DNAJC5B: variants seen among roughly 807,000 people sequenced by gnomAD.
DNAJC5B encodes DnaJ heat shock protein family (Hsp40) member C5 beta.
DNAJC5B carries 23 observed loss-of-function variants against 24.7 expected under a neutral mutation model. The ratio of observed to expected loss-of-function variants is 0.93; its 90% CI spans 0.67 to 1.32. DNAJC5B has a LOEUF of 1.32. DNAJC5B is among the 40% of genes most tolerant of loss of function. The pLI, the probability that DNAJC5B is intolerant of heterozygous loss-of-function variation, is 0.00. For synonymous variants in DNAJC5B, 101 were observed against 90.1 expected (o/e 1.12, Z -0.68); for missense variants, 238 against 240.8 (o/e 0.99, Z 0.08).
chr8:66,096,713 G>A (rs143881514), intron 5 of DNAJC5B, among the ~76,000 whole-genome samples: 1 of 152,120 alleles, frequency 6.6e-6, no homozygotes, highest in East Asian at 1.9e-4. Context: ...TGTTTGTGTG[G>A]TAAATATGTT....
rs558472476 is a variant in DNAJC5B, at chr8:66,096,523, T to C, written c.506-3414T>C. ...TTCTCTATAAAGTTCTTTCGATTTT[T>C]GATTTATGATTTTGATTTTGAGGTT... On this transcript the variant is annotated intron_variant, in intron 5 of 5. Coordinates refer to ENST00000276570, the MANE Select transcript of DNAJC5B (RefSeq NM_033105.6). Among the ~76,000 whole-genome samples the C allele has an allele frequency of 7.6e-4, 116 of 152,300 alleles. 1 individual carries two copies. Among genetic ancestry groups the C allele is most frequent in the African/African-American group, 2.6e-3 (107 of 41,590 alleles).
At chr8:66,068,900 G>A (rs984167525) in intron 3 of DNAJC5B, among the ~76,000 whole-genome samples, 1 of 152,028 alleles carries the variant, frequency 6.6e-6, no homozygotes, top group South Asian at 2.1e-4. Context: ...TTCCAACCAA[G>A]GTAACAGAAG....
chr8:66,054,821 C>T (rs1410608009), intron 3 of DNAJC5B, among the ~76,000 whole-genome samples: 3 of 152,150 alleles, frequency 2.0e-5, no homozygotes, highest in Non-Finnish European at 2.9e-5. Context: ...TGTTGGTGGA[C>T]GTCCTTGGCT....
chr8:66,094,629 T>A (rs1807912041), intron 5 of DNAJC5B, among the ~76,000 whole-genome samples: 2 of 152,070 alleles, frequency 1.3e-5, no homozygotes, highest in Admixed American at 6.5e-5. Context: ...TTATTTTTTT[T>A]AAACCGCACC....
intron 2 of DNAJC5B, among the ~76,000 whole-genome samples, chr8:66,047,639 A>G (rs1245710166): frequency 6.6e-6 from 1 of 152,168 alleles, no homozygotes; most frequent in African/African-American, 2.4e-5. Context: ...GGGCTCAGTA[A>G]AGCCTAATTC....
intron 3 of DNAJC5B, among the ~76,000 whole-genome samples, chr8:66,066,736 AGG>A (rs1469878186): frequency 2.0e-5 from 3 of 152,054 alleles, no homozygotes; most frequent in African/African-American, 7.3e-5. Context: ...GGAGGGTAGA[AGG>A]GGGTGAAGGA....
At chr8:66,090,514 G>T (rs1387519022) in intron 5 of DNAJC5B, among the ~76,000 whole-genome samples, 1 of 151,900 alleles carries the variant, frequency 6.6e-6, no homozygotes, top group Non-Finnish European at 1.5e-5. Flanking sequence ...TTAAAGGAGG[G>T]AGAATAAAAG....
intron 3 of DNAJC5B, among the ~76,000 whole-genome samples, chr8:66,074,407 C>T (rs1413825376): frequency 6.6e-6 from 1 of 152,186 alleles, no homozygotes; most frequent in Non-Finnish European, 1.5e-5. Flanking sequence ...TAACTATAAA[C>T]CACATGTTTA....
intron 5 of DNAJC5B, among the ~76,000 whole-genome samples, chr8:66,084,826 T>C (rs932182403): frequency 2.0e-5 from 3 of 152,226 alleles, no homozygotes; most frequent in Non-Finnish European, 2.9e-5. Flanking sequence ...GATGAAATCA[T>C]ATTTATCAGT....
rs146465886 is a variant in DNAJC5B at position 66,079,895 on chromosome 8, G to A, written c.334-482G>A. On this transcript the variant is annotated intron_variant, in intron 4 of 5. Coordinates refer to ENST00000276570, the MANE Select transcript of DNAJC5B (RefSeq NM_033105.6). ...GGATGCAAGAGACTTGAGGAGAGACGCTATCCAGGACTTGGTGACCAGCAG... is the reference window on the plus strand; with the variant it reads ...GGATGCAAGAGACTTGAGGAGAGACACTATCCAGGACTTGGTGACCAGCAG... 2.5e-3 allele frequency among the ~76,000 whole-genome samples: 386 copies of A among 152,250 alleles called. 3 individuals are homozygous for A. The highest frequency in any genetic ancestry group is 4.2e-3 in the Non-Finnish European group (289 of 68,016).
At chr8:66,040,636 G>A (rs529142487) in intron 1 of DNAJC5B, among the ~76,000 whole-genome samples, 3 of 152,108 alleles carry the variant, frequency 2.0e-5, no homozygotes, top group Non-Finnish European at 2.9e-5. Context: ...GTAAACAGCG[G>A]CTCTCGATCC....
At chr8:66,099,036 TCA>T (rs34531773) in intron 5 of DNAJC5B, among the ~76,000 whole-genome samples, 4,660 of 145,564 alleles carry the variant, frequency 0.032, 198 homozygotes, top group African/African-American at 0.1. Context: ...TCTCTCTCTG[TCA>T]CACACACACA....
At chr8:66,097,004 G>C (rs754931531) in intron 5 of DNAJC5B, among the ~76,000 whole-genome samples, 1 of 152,120 alleles carries the variant, frequency 6.6e-6, no homozygotes, top group East Asian at 1.9e-4. Flanking sequence ...TACACAGTCT[G>C]TGCCCATTTT....
chr8:66,095,023 G>C (rs1483654424), intron 5 of DNAJC5B, among the ~76,000 whole-genome samples: 1 of 152,010 alleles, frequency 6.6e-6, no homozygotes, highest in Non-Finnish European at 1.5e-5. Context: ...TTTTGTTTTA[G>C]ATGTTTGTGA....
chr8:66,095,541 G>C (rs766763131), intron 5 of DNAJC5B, among the ~76,000 whole-genome samples: 1 of 150,316 alleles, frequency 6.7e-6, no homozygotes, highest in African/African-American at 2.4e-5. Context: ...AGTTTATTTT[G>C]TTCATTTTCT....
intron 5 of DNAJC5B, among the ~76,000 whole-genome samples, chr8:66,083,009 T>TC (rs1039136558): frequency 1.5e-5 from 2 of 136,948 alleles, no homozygotes; most frequent in African/African-American, 5.5e-5. Flanking sequence ...TTTTCTTTTT[T>TC]TTTTTTTTTT....
intron 3 of DNAJC5B, among the ~76,000 whole-genome samples, chr8:66,075,004 C>T (rs1471310664): frequency 6.6e-6 from 1 of 152,112 alleles, no homozygotes; most frequent in Non-Finnish European, 1.5e-5. Flanking sequence ...TAAAAAATGA[C>T]AGGAAGCCAC....
At chr8:66,050,421 G>A (rs960436043) in intron 2 of DNAJC5B, among the ~76,000 whole-genome samples, 17 of 152,184 alleles carry the variant, frequency 1.1e-4, no homozygotes, top group Non-Finnish European at 2.1e-4. Flanking sequence ...CCGGAGCCAG[G>A]AACTGAACCC....
At chr8:66,080,027 C>T (rs939572425) in intron 4 of DNAJC5B, among the ~76,000 whole-genome samples, 2 of 152,120 alleles carry the variant, frequency 1.3e-5, no homozygotes, top group African/African-American at 4.8e-5. Context: ...ATTTCACCTG[C>T]AGAGGTTTTG....
Sources: gnomAD v4.1 joint callset for allele counts (sites outside exome capture counted in the v4.1 genomes callset) on GRCh38, gnomAD v4.1.1 for gene constraint, MANE v1.5 for transcripts, NCBI Gene and HGNC (gene_info 2026-07-23, HGNC 2026-07-21) for gene names.